TMCO6: variants seen among roughly 807,000 people sequenced by gnomAD.
TMCO6 encodes transmembrane and coiled-coil domains 6, also known as transmembrane and coiled-coil domain-containing protein 6.
A neutral mutation model predicts 61.8 loss-of-function variants in TMCO6; 47 were observed. The observed-to-expected ratio is 0.76, with a 90% CI of 0.60 to 0.97. The LOEUF is 0.97. Ranked by LOEUF, TMCO6 falls within the 50% of genes least tolerant of loss-of-function variation. The pLI, the probability that TMCO6 is intolerant of heterozygous loss-of-function variation, is 0.00. For synonymous variants in TMCO6, 261 were observed against 254.2 expected, an observed-to-expected ratio of 1.03 and a Z score of -0.25; for missense variants, 557 against 601.6, an observed-to-expected ratio of 0.93 and a Z score of 0.78.
Position 140,645,007 on chromosome 5 carries a change from A to G in TMCO6, c.1391A>G (p.Gln464Arg). The G allele has an allele frequency of 6.2e-7, 1 of 1,614,194 alleles. No homozygotes were observed. The highest frequency in any genetic ancestry group is 8.5e-7 in the Non-Finnish European group (1 of 1,180,000). Residue 464 changes from glutamine (Q) to arginine (R), a missense_variant, in exon 12 of 12, where the codon CAG becomes CGG. Physicochemically the swap from Gln to Arg is conservative, Grantham distance 43 (BLOSUM62 1). Transcript: ENST00000394671. Reference sequence around the variant, plus strand: ...TAGGCTGTTCAGGTCTTCCTGCAGCAGTCAGGGCTGCAAGCCCTGGAAAGG... The same window carrying G: ...TAGGCTGTTCAGGTCTTCCTGCAGCGGTCAGGGCTGCAAGCCCTGGAAAGG... The part of the protein sequence containing the change: ...QPEAVQVFLQ[Q>R]SGLQALERHQ...
At chr5:140,627,974 T>C in the TMCO6 span, among the ~76,000 whole-genome samples, 2 of 151,242 alleles carry the variant, frequency 1.3e-5, no homozygotes, top group Admixed American at 1.3e-4. Context: ...GGAGCAGATA[T>C]TGTTGTTGAG....
chr5:140,600,473 T>TG, the TMCO6 span, among the ~76,000 whole-genome samples: 3 of 151,788 alleles, frequency 2.0e-5, no homozygotes, highest in African/African-American at 7.3e-5. Flanking sequence ...TGTTTTGTTT[T>TG]TTTTTTTTTT....
the TMCO6 span, among the ~76,000 whole-genome samples, chr5:140,624,390 A>C: frequency 6.6e-6 from 1 of 152,026 alleles, no homozygotes. Flanking sequence ...TAAATAAATA[A>C]ATAAAGTATT....
At chr5:140,631,627 G>A in the TMCO6 span, 3 of 438,568 alleles carry the variant, frequency 6.8e-6, no homozygotes, top group Non-Finnish European at 8.1e-6. Context: ...GTTTCTTAGG[G>A]AGTTAGGATG....
chr5:140,632,918 T>C, the TMCO6 span: 3 of 1,614,174 alleles, frequency 1.9e-6, no homozygotes, highest in Non-Finnish European at 2.5e-6. The surrounding 1 kb of genome is among the most constrained non-coding windows in gnomAD (Gnocchi z 6.2). Context: ...CACAAGGTTC[T>C]GGCGTGGTCG....
At chr5:140,628,512 C>T in the TMCO6 span, among the ~76,000 whole-genome samples, 1 of 151,932 alleles carries the variant, frequency 6.6e-6, no homozygotes, top group Admixed American at 6.6e-5. Flanking sequence ...GATCTCAGCT[C>T]ACTGCAACCT....
the TMCO6 span, among the ~76,000 whole-genome samples, chr5:140,625,136 G>A: frequency 1.3e-5 from 2 of 152,168 alleles, no homozygotes; most frequent in African/African-American, 4.8e-5. Flanking sequence ...ACAGGCGTGA[G>A]TCACTGCACC....
chr5:140,632,356 G>GT, the TMCO6 span: 1 of 1,614,154 alleles, frequency 6.2e-7, no homozygotes, highest in Non-Finnish European at 8.5e-7. This position sits in a 1 kb window ranked among gnomAD's most constrained non-coding sequence, Gnocchi z 6.2. Context: ...ATCAGTCCGC[G>GT]TTCGCCCAGT....
chr5:140,639,700 G>C, intron 1 of TMCO6, 39 bp from the exon 2 acceptor site: 1 of 1,558,372 alleles, frequency 6.4e-7, no homozygotes, highest in Non-Finnish European at 8.7e-7. Flanking sequence ...CTGGGTTGTG[G>C]TCGTCCTTCC....
chr5:140,613,984 C>T, the TMCO6 span, among the ~76,000 whole-genome samples: 304 of 151,988 alleles, frequency 2.0e-3, no homozygotes, highest in African/African-American at 7.1e-3. Context: ...CTGCAACATC[C>T]GCCTCCCCGG....
At chr5:140,647,498 C>T, downstream of TMCO6, 3 of 1,612,506 alleles carry the variant, frequency 1.9e-6, no homozygotes, top group Non-Finnish European at 1.7e-6. Context: ...GCCCTGGCTG[C>T]CGGGCGAGCG....
chr5:140,632,900 G>C, the TMCO6 span: 1 of 1,614,156 alleles, frequency 6.2e-7, no homozygotes, highest in Non-Finnish European at 8.5e-7. This position sits in a 1 kb window ranked among gnomAD's most constrained non-coding sequence, Gnocchi z 6.2. Flanking sequence ...AATCTTCATC[G>C]TCCAGCTCAC....
chr5:140,613,717 A>T, the TMCO6 span, among the ~76,000 whole-genome samples: 28 of 151,854 alleles, frequency 1.8e-4, no homozygotes, highest in East Asian at 1.9e-3. Flanking sequence ...TATTATTATT[A>T]TTTTTATTTT....
At chr5:140,610,549 A>C in the TMCO6 span, among the ~76,000 whole-genome samples, 1 of 152,208 alleles carries the variant, frequency 6.6e-6, no homozygotes, top group Non-Finnish European at 1.5e-5. Flanking sequence ...AAGTGTATTG[A>C]CATACAATAG....
chr5:140,635,813 C>T (rs1440424761), upstream of TMCO6, among the ~76,000 whole-genome samples: 1 of 152,114 alleles, frequency 6.6e-6, no homozygotes, highest in East Asian at 1.9e-4. Flanking sequence ...AAGGAACAGC[C>T]AGCCCTGTAC....
At chr5:140,646,564 C>T (rs1358668803), downstream of TMCO6, among the ~76,000 whole-genome samples, 1 of 152,144 alleles carries the variant, frequency 6.6e-6, no homozygotes, top group Non-Finnish European at 1.5e-5. Context: ...TAGTTAAAAG[C>T]TGTGATTAAA....
In TMCO6 at chr5:140,641,945, G is replaced by A; in HGVS notation, c.390G>A (p.Arg130=). The change falls in exon 4 of 12, where the codon CGG becomes CGA. Residue 130 remains arginine (R), a synonymous_variant. Coordinates refer to ENST00000394671, the MANE Select transcript of TMCO6 (RefSeq NM_018502.5). ...CCCTGCTGCAGCTTGAGGCGGCTCGGTGCCTGCATGAGCTCTCTCACTCCG... is the reference window on the plus strand; with the variant it reads ...CCCTGCTGCAGCTTGAGGCGGCTCGATGCCTGCATGAGCTCTCTCACTCCG... The part of the protein sequence containing the change: ...NQALLQLEAA[R]CLHELSHSEQ... 5 of 1,613,996 alleles carry A rather than the reference G, an allele frequency of 3.1e-6. No homozygotes were observed. The South Asian group carries it at 4.4e-5, about 14-fold the overall frequency.
the TMCO6 span, among the ~76,000 whole-genome samples, chr5:140,599,832 C>T: frequency 1.3e-5 from 2 of 151,998 alleles, no homozygotes; most frequent in African/African-American, 2.4e-5. Context: ...ACCTGGGAGG[C>T]GGAGGTTACA....
Position 140,642,089 on chromosome 5 carries a change from A to G in TMCO6, c.498+36A>G, listed in dbSNP as rs372512731. The G allele has an allele frequency of 8.4e-5, 133 of 1,579,448 alleles. No individual in the cohort carries two copies. The African/African-American group carries it at 1.6e-3, about 20-fold the overall frequency. ...TCCCTTCCTATCTTGTTCTTGGTTT[A>G]GATTTTAAAATTGTGCTTTTGGGAC... On this transcript the variant is annotated intron_variant, in intron 4 of 11. Transcript: ENST00000394671.
Sources: gnomAD v4.1 joint callset for allele counts (sites outside exome capture counted in the v4.1 genomes callset) on GRCh38, gnomAD v4.1.1 for gene constraint, Gnocchi (gnomAD v3.1) non-coding constraint, MANE v1.5 for transcripts, NCBI Gene and HGNC (gene_info 2026-07-23, HGNC 2026-07-21) for gene names.